Variants in PTPRD observed in about 807,000 individuals in gnomAD.
The protein encoded by PTPRD is protein tyrosine phosphatase receptor type D.
PTPRD carries 34 observed loss-of-function variants against 214.5 expected under a neutral mutation model. The observed-to-expected ratio is 0.16, with a 90% CI of 0.12 to 0.21. The LOEUF (loss-of-function observed/expected upper bound fraction) is 0.21, where lower values mean the gene tolerates loss of function less well. PTPRD is among the 10% of genes least tolerant of loss of function. The pLI is 1.00. For missense variants in PTPRD, 2,545 were observed against 2,398.7 expected, an observed-to-expected ratio of 1.06 and a Z score of -1.27; for synonymous variants, 1,128 against 845.7, an observed-to-expected ratio of 1.33 and a Z score of -5.79.
intron 2 of PTPRD, among the ~76,000 whole-genome samples, chr9:10,526,403 A>G (rs1473605527): frequency 6.6e-6 from 1 of 152,144 alleles, no homozygotes; most frequent in African/African-American, 2.4e-5. Flanking sequence ...TAAACATGTT[A>G]TAATTACTGA....
chr9:9,718,999 G>A (rs1159488330), intron 7 of PTPRD, among the ~76,000 whole-genome samples: 1 of 152,184 alleles, frequency 6.6e-6, no homozygotes, highest in African/African-American at 2.4e-5. Context: ...AAGCCTGGGG[G>A]CCAGGATGCC....
intron 14 of PTPRD, among the ~76,000 whole-genome samples, chr9:8,557,909 T>A (rs1346197146): frequency 6.6e-6 from 1 of 151,640 alleles, no homozygotes; most frequent in South Asian, 2.1e-4. Context: ...GAAGTAAAGA[T>A]CATTTTCTAC....
intron 10 of PTPRD, among the ~76,000 whole-genome samples, chr9:9,174,672 T>C (rs144505738): frequency 2.8e-3 from 422 of 152,288 alleles, no homozygotes; most frequent in African/African-American, 9.9e-3. Flanking sequence ...CATAATCTTA[T>C]TTAATAACTA....
intron 12 of PTPRD, among the ~76,000 whole-genome samples, chr9:8,690,082 T>A (rs1168856545): frequency 4.8e-5 from 7 of 146,688 alleles, no homozygotes; most frequent in Non-Finnish European, 1.5e-5. Context: ...CACTTCAGCC[T>A]AGGAGTTACA....
intron 3 of PTPRD, among the ~76,000 whole-genome samples, chr9:10,272,208 G>T (rs1326818524): frequency 6.6e-6 from 1 of 152,008 alleles, no homozygotes; most frequent in South Asian, 2.1e-4. Context: ...TATAATATGT[G>T]GTCTCCTTTG....
At chr9:8,954,358 G>A (rs77296635) in intron 11 of PTPRD, among the ~76,000 whole-genome samples, 2,199 of 151,928 alleles carry the variant, frequency 0.014, 32 homozygotes, top group Middle Eastern at 0.071. Flanking sequence ...GAGAAAGGCA[G>A]GAGGCAAGGG....
chr9:10,272,926 T>C (rs527776989), intron 3 of PTPRD, among the ~76,000 whole-genome samples: 132 of 152,336 alleles, frequency 8.7e-4, no homozygotes, highest in African/African-American at 3.1e-3. Context: ...TGAAATGTTG[T>C]CCATCAGTAT....
At chr9:8,974,307 C>A (rs1247411212) in intron 11 of PTPRD, among the ~76,000 whole-genome samples, 2 of 152,116 alleles carry the variant, frequency 1.3e-5, no homozygotes, top group African/African-American at 2.4e-5. Context: ...AATAGGGAAT[C>A]TTTTTCTTAT....
At chr9:8,846,430 A>G (rs1259251704) in intron 11 of PTPRD, among the ~76,000 whole-genome samples, 2 of 152,234 alleles carry the variant, frequency 1.3e-5, no homozygotes, top group Admixed American at 1.3e-4. Flanking sequence ...ACTCCTAATA[A>G]AACAGAGTAA....
At chr9:8,967,970 T>C (rs2099209506) in intron 11 of PTPRD, among the ~76,000 whole-genome samples, 2 of 152,146 alleles carry the variant, frequency 1.3e-5, no homozygotes, top group Admixed American at 1.3e-4. Context: ...GTTCTCATTG[T>C]TCAATTCCTA....
chr9:9,560,395 C>G (rs1229910487), intron 8 of PTPRD, among the ~76,000 whole-genome samples: 2 of 152,226 alleles, frequency 1.3e-5, no homozygotes, highest in Non-Finnish European at 2.9e-5. Context: ...TTTCCCGCAG[C>G]ACAGTTACAA....
intron 3 of PTPRD, among the ~76,000 whole-genome samples, chr9:10,262,422 G>A (rs2093757584): frequency 1.3e-5 from 2 of 152,156 alleles, no homozygotes; most frequent in Admixed American, 1.3e-4. Context: ...GGAGAAATAT[G>A]TTCAGAAGAT....
At chr9:9,029,423 G>A (rs2099597540) in intron 10 of PTPRD, among the ~76,000 whole-genome samples, 1 of 151,874 alleles carries the variant, frequency 6.6e-6, no homozygotes, top group African/African-American at 2.4e-5. Context: ...GGTGACAAGG[G>A]CTAGATAAAG....
intron 10 of PTPRD, among the ~76,000 whole-genome samples, chr9:9,130,471 A>G (rs1044324945): frequency 1.3e-5 from 2 of 152,224 alleles, no homozygotes; most frequent in African/African-American, 2.4e-5. Context: ...CAACTTGTGT[A>G]AAACAGAGGT....
At chr9:8,329,431 C>T (rs181502234) in intron 44 of PTPRD, among the ~76,000 whole-genome samples, 1 of 152,098 alleles carries the variant, frequency 6.6e-6, no homozygotes, top group Non-Finnish European at 1.5e-5. Flanking sequence ...CCAGTGTTCT[C>T]CTGTATGAGG....
At chr9:10,255,903 C>G (rs1393116816) in intron 3 of PTPRD, among the ~76,000 whole-genome samples, 1 of 152,156 alleles carries the variant, frequency 6.6e-6, no homozygotes, top group African/African-American at 2.4e-5. Context: ...CAGGCCCGGA[C>G]TGGTACTGCT....
chr9:8,875,003 A>AG (rs746651982), intron 11 of PTPRD, among the ~76,000 whole-genome samples: 1 of 152,172 alleles, frequency 6.6e-6, no homozygotes, highest in Non-Finnish European at 1.5e-5. Flanking sequence ...TCAAAAATAT[A>AG]GGGCTGTGCT....
At chr9:8,966,979 G>C (rs371193791) in intron 11 of PTPRD, among the ~76,000 whole-genome samples, 4 of 151,940 alleles carry the variant, frequency 2.6e-5, no homozygotes, top group South Asian at 4.2e-4. Flanking sequence ...TGAAAAAATG[G>C]ACCATAGACA....
chr9:9,129,478 G>C (rs1334385470), intron 10 of PTPRD, among the ~76,000 whole-genome samples: 1 of 152,124 alleles, frequency 6.6e-6, no homozygotes, highest in Non-Finnish European at 1.5e-5. Context: ...TATTTATTTA[G>C]TTATTATCTT....
Sources: gnomAD v4.1 joint callset for allele counts (sites outside exome capture counted in the v4.1 genomes callset) on GRCh38, gnomAD v4.1.1 for gene constraint, MANE v1.5 for transcripts, NCBI Gene and HGNC (gene_info 2026-07-23, HGNC 2026-07-21) for gene names.